The following SPEN variants were observed in gnomAD, a reference collection of about 807,000 sequenced individuals.
The protein encoded by SPEN is msx2-interacting protein.
Under a neutral mutation model 269.9 loss-of-function variants are expected in SPEN, and 18 were observed. The observed-to-expected ratio is 0.07, with a 90% CI of 0.05 to 0.10. The LOEUF is 0.10. Ranked by LOEUF, SPEN falls within the 10% of genes least tolerant of loss-of-function variation. The pLI, the probability that SPEN is intolerant of heterozygous loss-of-function variation, is 1.00. For missense variants in SPEN, 3,822 were observed against 4,631.2 expected, an observed-to-expected ratio of 0.83 and a Z score of 5.07; for synonymous variants, 1,726 against 1,765.7, an observed-to-expected ratio of 0.98 and a Z score of 0.56.
chr1:15,933,413 T>A lies in SPEN; in HGVS notation c.7173T>A (p.His2391Gln). The change falls in exon 11 of 15, where the codon CAT becomes CAA. Residue 2391 changes from histidine to glutamine, a missense_variant. Around this residue, in one of 16 missense-constraint regions of SPEN, gnomAD observed 727 missense variants for 737.9 expected, o/e 0.99. Transcript: ENST00000375759. This position sits in a 1 kb window ranked among gnomAD's most constrained non-coding sequence, Gnocchi z 5.7. The stretch of plus-strand genomic sequence containing the variant: ...AAGAAAAGCAGAGTGAGAAACCCCA[T>A]TCCACTCCTCCTCAGTCATGTACTT... ...PQEEKQSEKPHSTPPQSCTSD... is the reference protein window; with the variant it reads ...PQEEKQSEKPQSTPPQSCTSD... The A allele has an allele frequency of 6.2e-7, 1 of 1,614,008 alleles. No homozygotes were observed. Among genetic ancestry groups the A allele is most frequent in the South Asian group, 1.1e-5 (1 of 91,070 alleles).
intron 5 of SPEN, among the ~76,000 whole-genome samples, chr1:15,913,575 T>C (rs899082913): frequency 6.6e-5 from 10 of 151,494 alleles, no homozygotes; most frequent in South Asian, 4.2e-4. Context: ...CCTCCTGCCT[T>C]GGCCTCCCAA....
intron 3 of SPEN, among the ~76,000 whole-genome samples, chr1:15,899,308 G>A (rs1191839697): frequency 6.6e-6 from 1 of 152,028 alleles, no homozygotes; most frequent in Non-Finnish European, 1.5e-5. Context: ...CCAAGTAGCT[G>A]GGACTACAGG....
chr1:15,855,990 C>CCTT (rs370972899), intron 1 of SPEN, among the ~76,000 whole-genome samples: 1,491 of 28,132 alleles, frequency 0.053, 208 homozygotes, highest in African/African-American at 0.089. Flanking sequence ...GATGCTAGAA[C>CCTT]TTTTTTTTTT....
At chr1:15,902,531 G>A (rs1407331008) in intron 3 of SPEN, among the ~76,000 whole-genome samples, 2 of 152,162 alleles carry the variant, frequency 1.3e-5, no homozygotes, top group East Asian at 3.8e-4. Flanking sequence ...GAGATTATGG[G>A]CCAGGAATGG....
chr1:15,910,183 A>T (rs1309243680), intron 4 of SPEN, among the ~76,000 whole-genome samples: 1 of 151,292 alleles, frequency 6.6e-6, no homozygotes, highest in Non-Finnish European at 1.5e-5. Flanking sequence ...AAACTTATGT[A>T]TCAGGTTTGT....
At chr1:15,899,068 A>C (rs2070871787) in intron 3 of SPEN, among the ~76,000 whole-genome samples, 1 of 152,112 alleles carries the variant, frequency 6.6e-6, no homozygotes, top group African/African-American at 2.4e-5. Context: ...TCGCTGGTTC[A>C]GTGGTAAGTT....
At position 15,931,777 on chromosome 1, in the gene SPEN, G is replaced by A; in HGVS notation, c.5537G>A (p.Arg1846Lys). Reference protein sequence around the residue: ...VEKPVTRKSERIDREKLKRSN... With the variant: ...VEKPVTRKSEKIDREKLKRSN... ...AAGCCCGTCACAAGGAAGAGTGAGAGGATAGACCGGGAAAAACTCAAGCGG... is the reference window on the plus strand; with the variant it reads ...AAGCCCGTCACAAGGAAGAGTGAGAAGATAGACCGGGAAAAACTCAAGCGG... Residue 1846 changes from arginine (R) to lysine (K), a missense_variant, in exon 11 of 15, where the codon AGG becomes AAG. By Grantham distance (26) the Arg-to-Lys change is conservative (BLOSUM62 2). This residue lies in a region of SPEN where 533 missense variants were observed against 618.8 expected (regional missense o/e 0.86). Transcript: ENST00000375759. This position sits in a 1 kb window ranked among gnomAD's most constrained non-coding sequence, Gnocchi z 4.8. 1 of 1,614,190 alleles carries A rather than the reference G, an allele frequency of 6.2e-7. No homozygotes were observed. The highest frequency in any genetic ancestry group is 8.5e-7 in the Non-Finnish European group (1 of 1,180,026).
At chr1:15,861,439 T>A (rs2070447887) in intron 1 of SPEN, among the ~76,000 whole-genome samples, 1 of 152,126 alleles carries the variant, frequency 6.6e-6, no homozygotes. Flanking sequence ...CCAGATACTT[T>A]TTTATGGAGT....
intron 3 of SPEN, among the ~76,000 whole-genome samples, chr1:15,880,829 G>A (rs1478081904): frequency 6.6e-6 from 1 of 152,054 alleles, no homozygotes; most frequent in African/African-American, 2.4e-5. Context: ...AGACCTGATA[G>A]GTAGCATTTG....
chr1:15,864,895 C>G (rs1222433461), intron 1 of SPEN, among the ~76,000 whole-genome samples: 1 of 151,460 alleles, frequency 6.6e-6, no homozygotes, highest in Non-Finnish European at 1.5e-5. Flanking sequence ...GGGGAGGGGT[C>G]TTGCTTTGTT....
chr1:15,905,054 A>G (rs1249781113), intron 3 of SPEN, among the ~76,000 whole-genome samples: 2 of 150,584 alleles, frequency 1.3e-5, no homozygotes, highest in Non-Finnish European at 3.0e-5. Context: ...ACACCTGGCT[A>G]ATTTTCTATT....
At chr1:15,898,729 T>A (rs2070867048) in intron 3 of SPEN, among the ~76,000 whole-genome samples, 1 of 151,734 alleles carries the variant, frequency 6.6e-6, no homozygotes, top group South Asian at 2.1e-4. Flanking sequence ...CCTGGCTAAT[T>A]TTTTTGTGTT....
rs1364965519 is a variant in SPEN at position 15,934,178 on chromosome 1, C to A, written c.7938C>A (p.Thr2646=). 2 of 1,614,238 alleles carry A rather than the reference C, an allele frequency of 1.2e-6. No individual in the cohort carries two copies. The highest frequency in any genetic ancestry group is 8.5e-7 in the Non-Finnish European group (1 of 1,180,050). ...CCTTGGCAAAACCAGCTCCTCAAACCCTCACTGGTCTGGTGAGCGCACTCA... is the reference window on the plus strand; with the variant it reads ...CCTTGGCAAAACCAGCTCCTCAAACACTCACTGGTCTGGTGAGCGCACTCA... ...KITLAKPAPQ[T]LTGLVSALTG... The change falls in exon 11 of 15, where the codon ACC becomes ACA. Residue 2646 remains threonine, a synonymous_variant. Coordinates refer to ENST00000375759, the MANE Select transcript of SPEN (RefSeq NM_015001.3). The surrounding 1 kb of genome is among the most constrained non-coding windows in gnomAD (Gnocchi z 9.2).
At chr1:15,865,085 T>C (rs2070490233) in intron 1 of SPEN, among the ~76,000 whole-genome samples, 1 of 152,080 alleles carries the variant, frequency 6.6e-6, no homozygotes, top group Non-Finnish European at 1.5e-5. Context: ...GGAGTCTCAC[T>C]CTGTCGCCCG....
intron 5 of SPEN, among the ~76,000 whole-genome samples, chr1:15,913,202 T>C (rs2071026037): frequency 6.6e-6 from 1 of 152,176 alleles, no homozygotes; most frequent in South Asian, 2.1e-4. Flanking sequence ...TTTTCAAAGA[T>C]CCAAATCCAA....
chr1:15,858,912 C>A (rs2070413158), intron 1 of SPEN, among the ~76,000 whole-genome samples: 3 of 152,194 alleles, frequency 2.0e-5, no homozygotes, highest in African/African-American at 7.2e-5. Flanking sequence ...CTGCCGCACT[C>A]TACCCTGGGC....
intron 3 of SPEN, among the ~76,000 whole-genome samples, chr1:15,882,609 A>G (rs1304752055): frequency 2.6e-5 from 4 of 152,156 alleles, no homozygotes; most frequent in Non-Finnish European, 4.4e-5. Flanking sequence ...GCAGTGAGCC[A>G]AGATCGTACC....
chr1:15,915,151 G>A (rs1054790939), intron 5 of SPEN, among the ~76,000 whole-genome samples: 1 of 152,162 alleles, frequency 6.6e-6, no homozygotes, highest in African/African-American at 2.4e-5. Flanking sequence ...ACTAGGATTA[G>A]GCTCAAATAA....
Position 15,937,756 on chromosome 1 carries a change from A to G in SPEN, c.10510-56A>G. ...CAAGCTACAGCCTCTGGCTGTGTCC[A>G]GCATGGCTCAGCGAGGGGCCATGAG... is the stretch of plus-strand genomic sequence containing the variant. On this transcript the variant is annotated intron_variant, in intron 12 of 14. Coordinates refer to ENST00000375759, the MANE Select transcript of SPEN (RefSeq NM_015001.3). The surrounding 1 kb of genome is among the most constrained non-coding windows in gnomAD (Gnocchi z 5.7). 2 of 1,610,912 alleles carry G rather than the reference A, an allele frequency of 1.2e-6. No homozygotes were observed. The highest frequency in any genetic ancestry group is 8.5e-7 in the Non-Finnish European group (1 of 1,178,476).
Sources: allele counts gnomAD v4.1 joint callset (sites outside exome capture counted in the v4.1 genomes callset), GRCh38; gene constraint gnomAD v4.1.1; regional missense constraint gnomAD v4.1.1; non-coding constraint Gnocchi (gnomAD v3.1); transcripts MANE v1.5; gene names NCBI Gene and HGNC (gene_info 2026-07-23, HGNC 2026-07-21).